MEGF11: variants seen among roughly 807,000 people sequenced by gnomAD.
The protein encoded by MEGF11 is multiple epidermal growth factor-like domains protein 11.
In MEGF11, 126 loss-of-function variants were observed where a neutral mutation model predicts 146.6. The observed-to-expected ratio is 0.86, with a 90% confidence interval of 0.74 to 1.00. The LOEUF (loss-of-function observed/expected upper bound fraction) is 1.00. Ranked by LOEUF, MEGF11 falls within the 50% of genes least tolerant of loss-of-function variation. MEGF11 has a pLI of 0.00. For synonymous variants in MEGF11, 532 were observed against 583.4 expected (o/e 0.91, Z 1.27); for missense variants, 1,509 against 1,521.2 (o/e 0.99, Z 0.13).
At chr15:65,919,939 AAAC>A (rs947500724) in intron 15 of MEGF11, among the ~76,000 whole-genome samples, 9 of 152,208 alleles carry the variant, frequency 5.9e-5, no homozygotes, top group Admixed American at 4.6e-4. Flanking sequence ...ACAAAACAAA[AAAC>A]AACAAGCAAA....
chr15:66,121,123 C>T (rs1161833727), intron 3 of MEGF11, among the ~76,000 whole-genome samples: 2 of 152,186 alleles, frequency 1.3e-5, no homozygotes, highest in African/African-American at 4.8e-5. Context: ...AATTCATGTT[C>T]TAGGAATACA....
At chr15:66,099,423 G>A (rs1334975827) in intron 4 of MEGF11, among the ~76,000 whole-genome samples, 5 of 151,982 alleles carry the variant, frequency 3.3e-5, no homozygotes, top group East Asian at 1.9e-4. Context: ...GACCTCAAGC[G>A]ATCTGCCCAC....
intron 10 of MEGF11, among the ~76,000 whole-genome samples, chr15:65,939,291 G>A (rs1334080543): frequency 2.0e-5 from 3 of 152,150 alleles, no homozygotes; most frequent in Non-Finnish European, 2.9e-5. Flanking sequence ...ATGACTCAAG[G>A]CAAGAATGGG....
chr15:66,054,828 G>A (rs2084613403), intron 5 of MEGF11, among the ~76,000 whole-genome samples: 1 of 152,110 alleles, frequency 6.6e-6, no homozygotes, highest in Non-Finnish European at 1.5e-5. Flanking sequence ...GGTGGTAAAG[G>A]GAAGATTAAA....
chr15:66,121,937 G>A (rs1333836657), intron 3 of MEGF11, among the ~76,000 whole-genome samples: 1 of 152,186 alleles, frequency 6.6e-6, no homozygotes, highest in South Asian at 2.1e-4. Context: ...CATTCATAAT[G>A]CTCACAATAT....
At chr15:66,048,322 T>A (rs994647384) in intron 5 of MEGF11, among the ~76,000 whole-genome samples, 14 of 152,214 alleles carry the variant, frequency 9.2e-5, no homozygotes, top group Admixed American at 8.5e-4. Flanking sequence ...AAGGAAGAGC[T>A]CTGTGTCTCT....
At chr15:65,965,456 C>T (rs2081034072) in intron 8 of MEGF11, 1 of 254,906 alleles carries the variant, frequency 3.9e-6, no homozygotes, top group Non-Finnish European at 7.4e-6. Context: ...TCAAAATTCT[C>T]ATTGAAACTT....
At chr15:66,066,088 C>T (rs756476719) in intron 5 of MEGF11, among the ~76,000 whole-genome samples, 1 of 152,332 alleles carries the variant, frequency 6.6e-6, no homozygotes, top group African/African-American at 2.4e-5. Context: ...GAAGGAAAGG[C>T]ATTGGATAGC....
chr15:66,173,726 G>T (rs181255134), intron 1 of MEGF11, among the ~76,000 whole-genome samples: 6 of 152,246 alleles, frequency 3.9e-5, no homozygotes, highest in African/African-American at 9.6e-5. Context: ...GACCAGTGAG[G>T]TCGACAGGGA....
At chr15:66,235,327 C>T (rs1247565405) in intron 1 of MEGF11, among the ~76,000 whole-genome samples, 4 of 151,968 alleles carry the variant, frequency 2.6e-5, no homozygotes, top group African/African-American at 7.3e-5. Context: ...TGTAGGGAGA[C>T]CTCATCTCTA....
At chr15:65,969,494 A>G (rs555104534) in intron 8 of MEGF11, among the ~76,000 whole-genome samples, 2 of 152,284 alleles carry the variant, frequency 1.3e-5, no homozygotes, top group East Asian at 3.9e-4. Context: ...CTGGCTCACA[A>G]AGAGATCAGA....
intron 5 of MEGF11, among the ~76,000 whole-genome samples, chr15:66,005,428 C>A (rs534201259): frequency 6.6e-6 from 1 of 152,276 alleles, no homozygotes; most frequent in East Asian, 1.9e-4. Context: ...TGTGAAAACA[C>A]TTAAGTGCAA....
chr15:66,110,936 C>A (rs1190450452), intron 4 of MEGF11, among the ~76,000 whole-genome samples: 1 of 152,122 alleles, frequency 6.6e-6, no homozygotes. Context: ...TCAGTCCCCT[C>A]CTCCCCCTCC....
At chr15:65,991,727 C>T (rs1180691997) in intron 5 of MEGF11, among the ~76,000 whole-genome samples, 1 of 152,206 alleles carries the variant, frequency 6.6e-6, no homozygotes, top group East Asian at 1.9e-4. Flanking sequence ...GTACACTCCA[C>T]ATTTTACAGG....
chr15:65,964,593 T>G (rs2080990547), intron 9 of MEGF11, among the ~76,000 whole-genome samples: 1 of 152,192 alleles, frequency 6.6e-6, no homozygotes, highest in Non-Finnish European at 1.5e-5. Flanking sequence ...CATGCAGCTG[T>G]GCTCCACCCC....
At chr15:66,242,179 G>T (rs2092223066) in intron 1 of MEGF11, among the ~76,000 whole-genome samples, 1 of 152,058 alleles carries the variant, frequency 6.6e-6, no homozygotes, top group Admixed American at 6.6e-5. Flanking sequence ...GGCCAAAGCA[G>T]GAGGATCACT....
intron 5 of MEGF11, among the ~76,000 whole-genome samples, chr15:65,986,107 A>G (rs2081848651): frequency 6.6e-6 from 1 of 151,816 alleles, no homozygotes; most frequent in African/African-American, 2.4e-5. Context: ...ACCCACCACC[A>G]TGCCCAGCTA....
At chr15:66,160,800 T>C (rs1445543303) in intron 1 of MEGF11, among the ~76,000 whole-genome samples, 1 of 152,060 alleles carries the variant, frequency 6.6e-6, no homozygotes, top group Non-Finnish European at 1.5e-5. Flanking sequence ...ATGTATCTGT[T>C]ATGTGGTGAT....
intron 5 of MEGF11, among the ~76,000 whole-genome samples, chr15:65,993,011 T>C (rs112775495): frequency 0.048 from 7,283 of 152,226 alleles, 276 homozygotes; most frequent in Non-Finnish European, 0.069. Flanking sequence ...AGATCACCCA[T>C]GAGAGGCAGG....
Sources: allele counts gnomAD v4.1 joint callset (sites outside exome capture counted in the v4.1 genomes callset), GRCh38; gene constraint gnomAD v4.1.1; transcripts MANE v1.5; gene names NCBI Gene and HGNC (gene_info 2026-07-23, HGNC 2026-07-21).